SH3GL3: variants seen among roughly 807,000 people sequenced by gnomAD.
The protein encoded by SH3GL3 is SH3 domain containing GRB2 like 3, endophilin A3, also known as endophilin-A3.
In SH3GL3, 33 loss-of-function variants were observed where a neutral mutation model predicts 47.7. The ratio of observed to expected loss-of-function variants is 0.69; its 90% CI spans 0.52 to 0.92. SH3GL3 has a LOEUF of 0.92. Among genes scored for constraint, SH3GL3 ranks in the 40% least tolerant of loss-of-function variants. The pLI, the probability that SH3GL3 is intolerant of heterozygous loss-of-function variation, is 0.00. For missense variants in SH3GL3, 363 were observed against 417.8 expected, an observed-to-expected ratio of 0.87 and a Z score of 1.14; for synonymous variants, 155 against 148.8, an observed-to-expected ratio of 1.04 and a Z score of -0.30.
intron 2 of SH3GL3, among the ~76,000 whole-genome samples, chr15:83,562,269 A>G (rs572915986): frequency 6.6e-6 from 1 of 152,220 alleles, no homozygotes; most frequent in African/African-American, 2.4e-5. Flanking sequence ...CAGCTCCAGT[A>G]TGTGCATGTC....
At chr15:83,601,070 A>G (rs2060366732) in intron 8 of SH3GL3, among the ~76,000 whole-genome samples, 1 of 152,222 alleles carries the variant, frequency 6.6e-6, no homozygotes, top group South Asian at 2.1e-4. Context: ...TTCATTTATC[A>G]GTTCTAGGAG....
chr15:83,533,899 C>A (rs889681388), intron 1 of SH3GL3, among the ~76,000 whole-genome samples: 1 of 152,152 alleles, frequency 6.6e-6, no homozygotes, highest in Non-Finnish European at 1.5e-5. Flanking sequence ...TTACTTGACT[C>A]ATGCAATGTA....
At chr15:83,558,226 C>T (rs575315969) in intron 1 of SH3GL3, among the ~76,000 whole-genome samples, 1 of 152,254 alleles carries the variant, frequency 6.6e-6, no homozygotes, top group African/African-American at 2.4e-5. Flanking sequence ...CCTACTGGTG[C>T]CAGACTTGCT....
At chr15:83,500,863 C>T (rs2042265215) in intron 1 of SH3GL3, among the ~76,000 whole-genome samples, 1 of 152,220 alleles carries the variant, frequency 6.6e-6, no homozygotes, top group Non-Finnish European at 1.5e-5. Flanking sequence ...TCTCTTTCCT[C>T]ACTCTTACCT....
intron 3 of SH3GL3, 72 bp downstream of exon 3, chr15:83,565,278 T>C (rs2045480827): frequency 2.3e-6 from 2 of 880,456 alleles, no homozygotes; most frequent in East Asian, 2.4e-5. Context: ...TGGTGTTTAG[T>C]TGACATAATG....
At chr15:83,506,129 G>C (rs1026458598) in intron 1 of SH3GL3, among the ~76,000 whole-genome samples, 2 of 151,976 alleles carry the variant, frequency 1.3e-5, no homozygotes, top group Non-Finnish European at 2.9e-5. Context: ...TGCCATTATA[G>C]TTCCTGACTT....
intron 1 of SH3GL3, among the ~76,000 whole-genome samples, chr15:83,534,345 C>T (rs2043812812): frequency 6.6e-6 from 1 of 152,138 alleles, no homozygotes; most frequent in Non-Finnish European, 1.5e-5. Context: ...GAAAATGGGT[C>T]AAAACAGGAG....
chr15:83,580,738 C>T (rs1448674376), intron 6 of SH3GL3, among the ~76,000 whole-genome samples: 1 of 152,160 alleles, frequency 6.6e-6, no homozygotes, highest in Non-Finnish European at 1.5e-5. Context: ...TAGGGGAGAG[C>T]CCGCCTGTCT....
chr15:83,489,181 A>G (rs889687651), intron 1 of SH3GL3: 1 of 151,924 alleles, frequency 6.6e-6, no homozygotes, highest in Non-Finnish European at 1.5e-5. Flanking sequence ...ATCTTTTGTG[A>G]CTCCCAGGTT....
intron 4 of SH3GL3, 143 bp from the exon 5 acceptor site, chr15:83,572,422 C>G (rs2059566037): frequency 1.6e-6 from 1 of 622,080 alleles, no homozygotes; most frequent in Non-Finnish European, 2.7e-6. Flanking sequence ...CTTTTTCATT[C>G]TGATCCAGGA....
chr15:83,485,518 C>T (rs997404993), intron 1 of SH3GL3, among the ~76,000 whole-genome samples: 1 of 152,126 alleles, frequency 6.6e-6, no homozygotes. Flanking sequence ...GGGTCTTGCT[C>T]TGTTGCCCAG....
chr15:83,525,351 CGTGTGT>C (rs3078536), intron 1 of SH3GL3, among the ~76,000 whole-genome samples: 14 of 148,104 alleles, frequency 9.5e-5, no homozygotes, highest in South Asian at 8.7e-4. Context: ...ATTCTTTGTG[CGTGTGT>C]GTGTGTGTGT....
intron 1 of SH3GL3, among the ~76,000 whole-genome samples, chr15:83,473,804 C>T (rs1284735767): frequency 1.3e-5 from 2 of 151,392 alleles, no homozygotes; most frequent in Non-Finnish European, 2.9e-5. Flanking sequence ...GCCTGGGCCT[C>T]CCAAAGTGCT....
intron 8 of SH3GL3, among the ~76,000 whole-genome samples, chr15:83,605,158 A>G (rs182063226): frequency 6.6e-6 from 1 of 152,194 alleles, no homozygotes; most frequent in African/African-American, 2.4e-5. Context: ...TCAGTGTCCC[A>G]TATTCTCCAC....
chr15:83,489,686 C>T (rs145030269), intron 1 of SH3GL3, among the ~76,000 whole-genome samples: 1 of 152,182 alleles, frequency 6.6e-6, no homozygotes, highest in Non-Finnish European at 1.5e-5. Context: ...CTCTGGGCCT[C>T]TATCTCTATT....
At chr15:83,572,243 C>A (rs953467433) in intron 4 of SH3GL3, among the ~76,000 whole-genome samples, 2 of 152,296 alleles carry the variant, frequency 1.3e-5, no homozygotes, top group South Asian at 2.1e-4. Flanking sequence ...TCTAAGGAAC[C>A]CTCCGTGCCA....
At chr15:83,586,867 A>G in intron 6 of SH3GL3, 116 bp from the exon 7 acceptor site, 1 of 541,548 alleles carries the variant, frequency 1.8e-6, no homozygotes, top group Non-Finnish European at 3.3e-6. Context: ...AATGAAATGG[A>G]CCAAGGCAGA....
chr15:83,459,901 C>G (rs1447803565), intron 1 of SH3GL3, among the ~76,000 whole-genome samples: 1 of 151,874 alleles, frequency 6.6e-6, no homozygotes, highest in Admixed American at 6.6e-5. Flanking sequence ...AGTGGTGACT[C>G]TCACTCTCAA....
chr15:83,504,390 A>G (rs749600950), intron 1 of SH3GL3, among the ~76,000 whole-genome samples: 3 of 152,200 alleles, frequency 2.0e-5, no homozygotes, highest in Non-Finnish European at 2.9e-5. Flanking sequence ...TCTGGTCTTC[A>G]TACCCACCCA....
Sources: allele counts gnomAD v4.1 joint callset (sites outside exome capture counted in the v4.1 genomes callset), GRCh38; gene constraint gnomAD v4.1.1; transcripts MANE v1.5; gene names NCBI Gene and HGNC (gene_info 2026-07-23, HGNC 2026-07-21).